The following ITPK1 variants were observed in gnomAD, a reference collection of about 807,000 sequenced individuals.
ITPK1 encodes inositol-tetrakisphosphate 1-kinase.
Under a neutral mutation model 45.3 loss-of-function variants are expected in ITPK1, and 21 were observed. The ratio of observed to expected loss-of-function variants is 0.46; its 90% confidence interval spans 0.33 to 0.67. ITPK1 has a LOEUF of 0.67. Ranked by LOEUF, ITPK1 falls within the 30% of genes least tolerant of loss-of-function variation. The probability of loss-of-function intolerance (pLI) is 0.02; values close to 1 mark genes in which losing one functional copy is unlikely to be tolerated. For missense variants in ITPK1, 474 were observed against 573.5 expected, an observed-to-expected ratio of 0.83 and a Z score of 1.77; for synonymous variants, 258 against 253.6, an observed-to-expected ratio of 1.02 and a Z score of -0.16.
At chr14:92,988,021 G>T (rs571855039) in intron 5 of ITPK1, among the ~76,000 whole-genome samples, 1 of 152,192 alleles carries the variant, frequency 6.6e-6, no homozygotes, top group Non-Finnish European at 1.5e-5. Context: ...CCTGCTCTGC[G>T]GAGCCTCCCC....
At chr14:93,112,732 C>A (rs1048683582) in intron 2 of ITPK1, among the ~76,000 whole-genome samples, 5 of 151,654 alleles carry the variant, frequency 3.3e-5, no homozygotes, top group African/African-American at 1.2e-4. Flanking sequence ...GACACGGCAC[C>A]CGGCCCAAAG....
chr14:92,939,613 G>C lies in ITPK1; in HGVS notation c.*1948C>G. ...GCCCCGCCCCCGCCCCACCACGGAG[G>C]CCTATGGACGCCACCACGACACCAC... is the stretch of plus-strand genomic sequence containing the variant. On this transcript the variant is annotated 3_prime_UTR_variant, in exon 11 of 11. Coordinates refer to ENST00000267615, the MANE Select transcript of ITPK1 (RefSeq NM_014216.6). 1 of 857,618 alleles carries C rather than the reference G, an allele frequency of 1.2e-6. No individual in the cohort carries two copies. Among genetic ancestry groups the C allele is most frequent in the Non-Finnish European group, 1.4e-6 (1 of 713,592 alleles). 53.1% of individuals were successfully genotyped at this position (857,618 alleles called of 1,614,324 possible). A position where few individuals can be genotyped will look rare whatever the true frequency, so the allele number is the denominator to read the frequency against.
chr14:93,115,632 C>T (rs1892920282), intron 1 of ITPK1, 140 bp downstream of exon 1: 2 of 148,380 alleles, frequency 1.3e-5, no homozygotes, highest in East Asian at 2.0e-4. Flanking sequence ...GCGGCAGAAG[C>T]GCGGCCTCCG....
At chr14:93,094,160 A>T (rs967255891) in intron 2 of ITPK1, among the ~76,000 whole-genome samples, 1 of 152,192 alleles carries the variant, frequency 6.6e-6, no homozygotes, top group African/African-American at 2.4e-5. Context: ...GTTCTACCCG[A>T]GGATATGCGG....
intron 9 of ITPK1, among the ~76,000 whole-genome samples, chr14:92,950,349 G>A (rs1024808411): frequency 6.6e-6 from 1 of 152,254 alleles, no homozygotes; most frequent in Non-Finnish European, 1.5e-5. Flanking sequence ...CCGCACCTGG[G>A]AACAGAGCTG....
intron 4 of ITPK1, among the ~76,000 whole-genome samples, chr14:93,005,019 G>A (rs887540317): frequency 2.6e-5 from 4 of 152,142 alleles, no homozygotes; most frequent in Admixed American, 2.6e-4. Flanking sequence ...GCAGGAGACG[G>A]ACCAGCTGAG....
intron 10 of ITPK1, among the ~76,000 whole-genome samples, chr14:92,944,911 C>T (rs1206086682): frequency 6.6e-6 from 1 of 152,176 alleles, no homozygotes; most frequent in Non-Finnish European, 1.5e-5. Flanking sequence ...GGCTGCTCCC[C>T]GACTCCCAGG....
At chr14:93,066,412 T>A in intron 3 of ITPK1, 1 of 342,412 alleles carries the variant, frequency 2.9e-6, no homozygotes, top group South Asian at 2.1e-5. Flanking sequence ...CAATTCTTTT[T>A]TTTTTTTTTT....
At chr14:93,044,920 C>G (rs907107572) in intron 3 of ITPK1, among the ~76,000 whole-genome samples, 1 of 152,224 alleles carries the variant, frequency 6.6e-6, no homozygotes, top group African/African-American at 2.4e-5. Flanking sequence ...TCCCCACCAA[C>G]CTGACAGGGT....
At chr14:93,040,669 T>C (rs557624716) in intron 3 of ITPK1, among the ~76,000 whole-genome samples, 25 of 152,278 alleles carry the variant, frequency 1.6e-4, no homozygotes, top group African/African-American at 6.0e-4. Flanking sequence ...GCCCATTCAA[T>C]GCCCCCCTCT....
intron 5 of ITPK1, among the ~76,000 whole-genome samples, chr14:92,989,786 T>C (rs982068168): frequency 6.6e-6 from 1 of 151,672 alleles, no homozygotes; most frequent in Non-Finnish European, 1.5e-5. Flanking sequence ...GCCTAGGGGG[T>C]GCGGGTGTGG....
chr14:92,985,643 T>C (rs1180988152), intron 5 of ITPK1, among the ~76,000 whole-genome samples: 1 of 151,984 alleles, frequency 6.6e-6, no homozygotes, highest in African/African-American at 2.4e-5. Flanking sequence ...GCTGGGCGTT[T>C]GGGCAGAATG....
chr14:92,988,817 C>G (rs1195640233), intron 5 of ITPK1, among the ~76,000 whole-genome samples: 1 of 152,208 alleles, frequency 6.6e-6, no homozygotes, highest in Non-Finnish European at 1.5e-5. Context: ...AAATCAGAAC[C>G]TTCCTCATAG....
At chr14:92,967,869 C>CA (rs1024463461) in intron 5 of ITPK1, among the ~76,000 whole-genome samples, 1 of 151,792 alleles carries the variant, frequency 6.6e-6, no homozygotes. Context: ...TCCATGGAGA[C>CA]AAAAAAAGAG....
rs1199814750 is a variant in ITPK1, at chr14:93,076,355, C to T, written c.120+240G>A. On this transcript the variant is annotated intron_variant, in intron 3 of 10. Transcript: ENST00000267615. The surrounding 1 kb of genome is among the most constrained non-coding windows in gnomAD (Gnocchi z 4.3). Reference sequence around the variant, plus strand: ...CCATGCACACCCCCCTCAGGACTCCCAAACCAACCCTCTCCCCACTGACAA... The same window carrying T: ...CCATGCACACCCCCCTCAGGACTCCTAAACCAACCCTCTCCCCACTGACAA... Among the ~76,000 whole-genome samples, 2 of 152,072 alleles carry T rather than the reference C, an allele frequency of 1.3e-5. No homozygotes were observed. Among genetic ancestry groups the T allele is most frequent in the Non-Finnish European group, 2.9e-5 (2 of 68,026 alleles).
At chr14:93,045,784 C>T (rs995077463) in intron 3 of ITPK1, among the ~76,000 whole-genome samples, 9 of 152,088 alleles carry the variant, frequency 5.9e-5, no homozygotes, top group African/African-American at 2.2e-4. Context: ...TCTTTCAGAA[C>T]TAATTTCAGG....
chr14:92,967,076 G>A (rs879314972), intron 5 of ITPK1, among the ~76,000 whole-genome samples: 15 of 152,208 alleles, frequency 9.9e-5, no homozygotes, highest in Admixed American at 9.8e-4. Flanking sequence ...AGCAACCCAA[G>A]GAAAAATAGA....
At chr14:93,104,941 C>T (rs1003659150) in intron 2 of ITPK1, among the ~76,000 whole-genome samples, 2 of 152,168 alleles carry the variant, frequency 1.3e-5, no homozygotes, top group African/African-American at 2.4e-5. Flanking sequence ...CTGAGGAAAA[C>T]GCCACAAGTG....
At position 92,941,626 on chromosome 14, in the gene ITPK1, C is replaced by T. The variant is rs1043699202; in HGVS notation, c.1180G>A (p.Gly394Ser). ...TGCTGCTGGAAGCTGGGCGACACGC[C>T]GGCGTTGCAGCCGAGTCTCTGGTGC... ...LPHQRLGCNA[G>S]VSPSFQQHCV... Residue 394 changes from glycine to serine, a missense_variant, in exon 11 of 11, where the codon GGC becomes AGC. Transcript: ENST00000267615. 67 of 1,538,090 alleles carry T rather than the reference C, an allele frequency of 4.4e-5. No homozygotes were observed. Among genetic ancestry groups the T allele is most frequent in the East Asian group, 7.4e-5 (3 of 40,752 alleles).
Sources: gnomAD v4.1 joint callset for allele counts (sites outside exome capture counted in the v4.1 genomes callset) on GRCh38, gnomAD v4.1.1 for gene constraint, Gnocchi (gnomAD v3.1) non-coding constraint, MANE v1.5 for transcripts, NCBI Gene and HGNC (gene_info 2026-07-23, HGNC 2026-07-21) for gene names.